Variants in LRP1B observed in about 807,000 individuals in gnomAD.
The protein encoded by LRP1B is LDL receptor related protein 1B.
In LRP1B, 217 loss-of-function variants were observed where a neutral mutation model predicts 556.6. That is an observed-to-expected ratio of 0.39 (90% CI 0.35 to 0.44). LRP1B has a LOEUF of 0.44. LRP1B is among the 20% of genes least tolerant of loss of function. The pLI is 1.00. For synonymous variants in LRP1B, 2,047 were observed against 1,865.8 expected (o/e 1.10, Z -2.50); for missense variants, 5,053 against 5,620.8 (o/e 0.90, Z 3.23).
intron 46 of LRP1B, among the ~76,000 whole-genome samples, chr2:140,534,445 A>C (rs12615001): frequency 0.46 from 69,827 of 151,890 alleles, 16,825 homozygotes; most frequent in South Asian, 0.59. Flanking sequence ...CATATATCAC[A>C]TATTCAATTC....
chr2:141,305,739 C>A (rs1686563313), intron 3 of LRP1B, among the ~76,000 whole-genome samples: 1 of 152,112 alleles, frequency 6.6e-6, no homozygotes, highest in Non-Finnish European at 1.5e-5. Context: ...TATACACAGT[C>A]TCTATTATGT....
At chr2:141,704,593 G>T (rs555248087) in intron 2 of LRP1B, among the ~76,000 whole-genome samples, 1 of 152,016 alleles carries the variant, frequency 6.6e-6, no homozygotes, top group African/African-American at 2.4e-5. Flanking sequence ...CCTAGGTGTT[G>T]TGTAACATGC....
chr2:140,921,552 C>G (rs572246248), intron 21 of LRP1B, among the ~76,000 whole-genome samples: 1 of 151,814 alleles, frequency 6.6e-6, no homozygotes, highest in African/African-American at 2.4e-5. Flanking sequence ...TACAATAATT[C>G]GTCTGCTAAT....
In LRP1B at chr2:140,672,482, T is replaced by TAAAAAAAAAAAAAAAAAAAAAA. The variant is rs55884730; in HGVS notation, c.6799+27746_6799+27767dup. ...CTGGGTGACAGAATGAGACTCCATC[T>TAAAAAAAAAAAAAAAAAAAAAA]AAAAAAAAAAAAAAAAAAAAAAAAA... On this transcript the variant is annotated intron_variant, in intron 41 of 90. Transcript: ENST00000389484. Among the ~76,000 whole-genome samples, 95 of 81,556 alleles carry TAAAAAAAAAAAAAAAAAAAAAA rather than the reference T, an allele frequency of 1.2e-3. 1 individual carries two copies. The highest frequency in any genetic ancestry group is 1.9e-3 in the African/African-American group (34 of 18,264). The allele number at this position is 81,556 out of a possible 152,430, so 53.5% of individuals were successfully genotyped here. A position where few individuals can be genotyped will look rare whatever the true frequency, so the allele number is the denominator to read the frequency against.
intron 66 of LRP1B, among the ~76,000 whole-genome samples, chr2:140,405,533 A>G (rs929183094): frequency 7.2e-5 from 11 of 152,330 alleles, no homozygotes; most frequent in African/African-American, 2.6e-4. Context: ...GAAACATTAC[A>G]ACCAACACGA....
chr2:141,670,795 G>A (rs146480885), intron 2 of LRP1B, among the ~76,000 whole-genome samples: 10 of 152,290 alleles, frequency 6.6e-5, no homozygotes, highest in African/African-American at 2.4e-4. Flanking sequence ...AAGTTTGTCA[G>A]TTCAGTCCTA....
intron 1 of LRP1B, among the ~76,000 whole-genome samples, chr2:142,071,548 T>A (rs1260516957): frequency 6.6e-6 from 1 of 152,018 alleles, no homozygotes. Flanking sequence ...GAAATTTAAA[T>A]ATCCTCATTT....
intron 86 of LRP1B, chr2:140,269,217 C>T (rs1682346441): frequency 2.1e-6 from 1 of 466,180 alleles, no homozygotes; most frequent in Non-Finnish European, 4.5e-6. Flanking sequence ...TGAACTGTGG[C>T]CTGAAATGAT....
At chr2:141,648,187 G>A (rs1558779078) in intron 2 of LRP1B, among the ~76,000 whole-genome samples, 2 of 152,182 alleles carry the variant, frequency 1.3e-5, no homozygotes, top group African/African-American at 2.4e-5. Context: ...ATAGTACAAA[G>A]AGGCTGGACC....
At chr2:140,313,229 A>G (rs1684383376) in intron 83 of LRP1B, among the ~76,000 whole-genome samples, 2 of 151,950 alleles carry the variant, frequency 1.3e-5, no homozygotes, top group Admixed American at 6.6e-5. Flanking sequence ...TTGAATCCAT[A>G]TGAGAACTAA....
intron 2 of LRP1B, among the ~76,000 whole-genome samples, chr2:141,689,669 T>TA (rs1303998493): frequency 1.3e-4 from 19 of 151,788 alleles, no homozygotes; most frequent in Non-Finnish European, 4.4e-5. Flanking sequence ...TATCAATGAC[T>TA]AATTAGTGAT....
At chr2:140,922,774 A>G (rs749770675) in intron 21 of LRP1B, among the ~76,000 whole-genome samples, 191 bp downstream of exon 21, 17 of 152,128 alleles carry the variant, frequency 1.1e-4, no homozygotes, top group Non-Finnish European at 2.5e-4. Context: ...TCCAATGCGG[A>G]GAACATTCAT....
intron 2 of LRP1B, among the ~76,000 whole-genome samples, chr2:141,630,067 A>G (rs1428390009): frequency 6.6e-6 from 1 of 152,168 alleles, no homozygotes; most frequent in Non-Finnish European, 1.5e-5. Context: ...ATAGCTAACA[A>G]AAGGCAATAT....
intron 3 of LRP1B, among the ~76,000 whole-genome samples, chr2:141,405,731 A>T (rs769282554): frequency 2.6e-5 from 4 of 152,302 alleles, no homozygotes; most frequent in Non-Finnish European, 5.9e-5. Context: ...AGTATAGAAT[A>T]TAAGTATATA....
intron 3 of LRP1B, among the ~76,000 whole-genome samples, chr2:141,438,806 T>C (rs1006855468): frequency 3.3e-5 from 5 of 152,114 alleles, no homozygotes; most frequent in Admixed American, 1.3e-4. Flanking sequence ...TAGTTCTAGA[T>C]TGAAGAACAA....
intron 2 of LRP1B, among the ~76,000 whole-genome samples, chr2:141,496,938 T>A (rs1683531058): frequency 6.6e-6 from 1 of 152,014 alleles, no homozygotes; most frequent in Non-Finnish European, 1.5e-5. Context: ...GTACAAATGA[T>A]CTGATCATAT....
chr2:141,254,150 A>T (rs1250653133), intron 4 of LRP1B, among the ~76,000 whole-genome samples: 3 of 152,138 alleles, frequency 2.0e-5, no homozygotes, highest in Non-Finnish European at 4.4e-5. Flanking sequence ...AATTATAAAG[A>T]ACATTACATG....
rs2105324235 is a variant in LRP1B, at chr2:140,457,598, T to G, written c.9679A>C (p.Ile3227Leu). 6.2e-7 allele frequency: 1 copy of G among 1,613,818 alleles called. No individual in the cohort carries two copies. ...VIALTLFEDY[I>L]YWTDGKTKSL... ...TTGGTTTTCCCATCAGTCCAGTAGA[T>G]GTAGTCTTCAAACAATGTTAGTGCA... Residue 3227 changes from isoleucine to leucine, a missense_variant, in exon 61 of 91, where the codon ATC becomes CTC. Around this residue, in one of 5 missense-constraint regions of LRP1B, gnomAD observed 262 missense variants for 395.1 expected, o/e 0.66. Transcript: ENST00000389484.
At chr2:140,997,671 C>T (rs1299519317) in intron 15 of LRP1B, among the ~76,000 whole-genome samples, 1 of 151,836 alleles carries the variant, frequency 6.6e-6, no homozygotes, top group Non-Finnish European at 1.5e-5. Flanking sequence ...ATTATTTCTG[C>T]TTATCTAATA....
Sources: gnomAD v4.1 joint callset for allele counts (sites outside exome capture counted in the v4.1 genomes callset) on GRCh38, gnomAD v4.1.1 for gene constraint, gnomAD v4.1.1 regional missense constraint, MANE v1.5 for transcripts, NCBI Gene and HGNC (gene_info 2026-07-23, HGNC 2026-07-21) for gene names.